LGSN: variants seen among roughly 807,000 people sequenced by gnomAD.
LGSN encodes lengsin, lens protein with glutamine synthetase domain, also known as lengsin.
In LGSN, 21 loss-of-function variants were observed where a neutral mutation model predicts 19.5. The ratio of observed to expected loss-of-function variants is 1.07; its 90% CI spans 0.76 to 1.55. The LOEUF is 1.55. Ranked by LOEUF, LGSN falls within the 40% of genes most tolerant of loss-of-function variation. The probability of loss-of-function intolerance (pLI) is 0.00; values close to 1 mark genes in which losing one functional copy is unlikely to be tolerated. For missense variants in LGSN, 673 were observed against 608.5 expected (o/e 1.11, Z -1.12); for synonymous variants, 257 against 215.6 (o/e 1.19, Z -1.68).
chr6:63,517,555 C>A, the LGSN span, among the ~76,000 whole-genome samples: 1 of 151,978 alleles, frequency 6.6e-6, no homozygotes, highest in Non-Finnish European at 1.5e-5. Context: ...GCACTATGAA[C>A]AAAAGAAACA....
the LGSN span, among the ~76,000 whole-genome samples, chr6:63,440,202 A>G: frequency 3.3e-5 from 5 of 152,124 alleles, no homozygotes; most frequent in East Asian, 3.9e-4. Flanking sequence ...CTAAAACCAG[A>G]CTGCTGGTCC....
At chr6:63,545,360 A>G in the LGSN span, among the ~76,000 whole-genome samples, 1 of 152,198 alleles carries the variant, frequency 6.6e-6, no homozygotes, top group Non-Finnish European at 1.5e-5. Flanking sequence ...CTGTAATCCC[A>G]GCACTTTGGG....
At chr6:63,311,306 A>G (rs1189882156) in intron 1 of LGSN, among the ~76,000 whole-genome samples, 1 of 152,188 alleles carries the variant, frequency 6.6e-6, no homozygotes, top group African/African-American at 2.4e-5. Flanking sequence ...TTCAGTCAGA[A>G]TTGTGTAAAC....
At chr6:63,550,410 G>T in the LGSN span, 1 of 151,992 alleles carries the variant, frequency 6.6e-6, no homozygotes, top group Non-Finnish European at 1.5e-5. Flanking sequence ...TTCTTCAGAC[G>T]ACTCTACCTG....
chr6:63,567,034 A>G, the LGSN span, among the ~76,000 whole-genome samples: 1 of 151,996 alleles, frequency 6.6e-6, no homozygotes, highest in Non-Finnish European at 1.5e-5. Flanking sequence ...GATTTAGTCA[A>G]CTCTTCAGAC....
chr6:63,332,597 T>A, the LGSN span, among the ~76,000 whole-genome samples: 1 of 152,136 alleles, frequency 6.6e-6, no homozygotes, highest in Non-Finnish European at 1.5e-5. Context: ...GAGAGCCCTT[T>A]CCTGGAAAGC....
the LGSN span, among the ~76,000 whole-genome samples, chr6:63,500,359 G>A: frequency 2.0e-5 from 3 of 152,164 alleles, no homozygotes; most frequent in African/African-American, 4.8e-5. Flanking sequence ...GACAGCTGGG[G>A]TGAGAATCCT....
chr6:63,511,141 C>T, the LGSN span, among the ~76,000 whole-genome samples: 1 of 152,134 alleles, frequency 6.6e-6, no homozygotes, highest in South Asian at 2.1e-4. Flanking sequence ...ATTCCCACCT[C>T]TTCCTGCAAC....
chr6:63,372,841 T>G, the LGSN span, among the ~76,000 whole-genome samples: 1 of 152,238 alleles, frequency 6.6e-6, no homozygotes, highest in Non-Finnish European at 1.5e-5. Context: ...TCATTTATAC[T>G]TATTTTAAAA....
chr6:63,516,620 C>T, the LGSN span, among the ~76,000 whole-genome samples: 3 of 152,168 alleles, frequency 2.0e-5, no homozygotes, highest in Non-Finnish European at 2.9e-5. Context: ...TCTCTTAATA[C>T]TCATTCTTCT....
At chr6:63,471,262 G>A in the LGSN span, among the ~76,000 whole-genome samples, 16 of 139,296 alleles carry the variant, frequency 1.1e-4, no homozygotes, top group African/African-American at 4.3e-4. Context: ...ACAGGCATGA[G>A]CCACCATGCC....
the LGSN span, among the ~76,000 whole-genome samples, chr6:63,573,084 C>T: frequency 5.9e-5 from 9 of 152,232 alleles, no homozygotes; most frequent in African/African-American, 1.7e-4. Context: ...CGCTTTGTGA[C>T]CGCCGCCTCC....
the LGSN span, among the ~76,000 whole-genome samples, chr6:63,369,856 T>G: frequency 6.6e-6 from 1 of 152,000 alleles, no homozygotes; most frequent in African/African-American, 2.4e-5. Context: ...ACAAAAAATT[T>G]GCTGGGCGTG....
chr6:63,371,238 GCTTT>G, the LGSN span, among the ~76,000 whole-genome samples: 4 of 152,148 alleles, frequency 2.6e-5, no homozygotes, highest in Non-Finnish European at 5.9e-5. Context: ...CTCTTCTAAT[GCTTT>G]CTATTTTCTA....
At chr6:63,408,245 A>T in the LGSN span, among the ~76,000 whole-genome samples, 2 of 151,876 alleles carry the variant, frequency 1.3e-5, no homozygotes, top group Non-Finnish European at 2.9e-5. Context: ...CAAAAGAACA[A>T]AGCTGGAGGC....
At chr6:63,488,168 T>C in the LGSN span, among the ~76,000 whole-genome samples, 1 of 152,126 alleles carries the variant, frequency 6.6e-6, no homozygotes, top group Non-Finnish European at 1.5e-5. Context: ...CAGAGACTAA[T>C]TTCTCCTTAG....
the LGSN span, among the ~76,000 whole-genome samples, chr6:63,378,894 AT>A: frequency 1.3e-5 from 2 of 152,328 alleles, no homozygotes; most frequent in East Asian, 3.9e-4. Flanking sequence ...TTTGTAAGTC[AT>A]GTTTAAGCAG....
the LGSN span, among the ~76,000 whole-genome samples, chr6:63,326,063 C>T: frequency 5.9e-4 from 89 of 152,118 alleles, 1 homozygote; most frequent in South Asian, 0.015. Flanking sequence ...AGGTTCTCCA[C>T]GTCCCCACCA....
At chr6:63,292,757 T>A (rs1767828581) in intron 2 of LGSN, among the ~76,000 whole-genome samples, 2 of 152,356 alleles carry the variant, frequency 1.3e-5, no homozygotes, top group African/African-American at 4.8e-5. Context: ...GGACTGCCCA[T>A]GGCTGATTTT....
Sources: gnomAD v4.1 joint callset for allele counts (sites outside exome capture counted in the v4.1 genomes callset) on GRCh38, gnomAD v4.1.1 for gene constraint, MANE v1.5 for transcripts, NCBI Gene and HGNC (gene_info 2026-07-23, HGNC 2026-07-21) for gene names.